The following IFT74 variants were observed in gnomAD, a reference collection of about 807,000 sequenced individuals.
The protein encoded by IFT74 is intraflagellar transport 74.
A neutral mutation model predicts 96.7 loss-of-function variants in IFT74; 92 were observed. That is an observed-to-expected ratio of 0.95 (90% confidence interval 0.80 to 1.13). The LOEUF (loss-of-function observed/expected upper bound fraction) is 1.13, where lower values mean the gene tolerates loss of function less well. Ranked by LOEUF, IFT74 falls within the 50% of genes most tolerant of loss-of-function variation. IFT74 has a pLI of 0.00. For synonymous variants in IFT74, 223 were observed against 213.2 expected (o/e 1.05, Z -0.40); for missense variants, 811 against 698.2 (o/e 1.16, Z -1.82).
rs1820189098 is a variant in IFT74 at position 27,056,897 on chromosome 9, T to TAGAC, written c.1623+441_1623+442insCAGA. On this transcript the variant is annotated intron_variant, in intron 18 of 19. Coordinates refer to ENST00000380062, the MANE Select transcript of IFT74 (RefSeq NM_025103.4). ...ATAGATAGATAGATAGATAGATAGA[T>TAGAC]AGATAGATATGTGTATACACATATT... Among the ~76,000 whole-genome samples, 5 of 152,160 alleles carry TAGAC rather than the reference T, an allele frequency of 3.3e-5. No homozygotes were observed. The South Asian group carries it at 1.0e-3, about 32-fold the overall frequency.
chr9:26,985,442 T>TAA (rs1210117840), intron 6 of IFT74, among the ~76,000 whole-genome samples: 1 of 151,982 alleles, frequency 6.6e-6, no homozygotes, highest in Non-Finnish European at 1.5e-5. Context: ...GAACCTAAAA[T>TAA]AAAAATTTCA....
chr9:27,040,544 C>CAAAAAA (rs751893169), intron 13 of IFT74, among the ~76,000 whole-genome samples: 1,594 of 61,996 alleles, frequency 0.026, 47 homozygotes, highest in Middle Eastern at 0.065. Flanking sequence ...GACACTGTCT[C>CAAAAAA]AAAAAAAAAA....
intron 2 of IFT74, among the ~76,000 whole-genome samples, chr9:26,966,445 G>C (rs10812504): frequency 6.6e-6 from 1 of 151,680 alleles, no homozygotes; most frequent in African/African-American, 2.4e-5. Context: ...GCACCTTTTC[G>C]TATACCTGTT....
intron 8 of IFT74, among the ~76,000 whole-genome samples, chr9:26,992,408 A>G (rs779374415): frequency 7.9e-5 from 12 of 152,104 alleles, no homozygotes; most frequent in Non-Finnish European, 1.8e-4. Flanking sequence ...AAGAACAACA[A>G]TTGGCCAGGT....
rs1828732973 is a variant in IFT74, at chr9:27,005,571, C to G, written c.588-3449C>G. ...AAAAAAAATACAACAATAACCAAAG[C>G]TATAAATATACATATCTTACCTTTT... On this transcript the variant is annotated intron_variant, in intron 8 of 19. Coordinates refer to ENST00000380062, the MANE Select transcript of IFT74 (RefSeq NM_025103.4). 2.0e-5 allele frequency: 3 copies of G among 151,756 alleles called. No individual in the cohort carries two copies. In the South Asian group the frequency reaches 6.2e-4, roughly 32 times the overall value. The allele number at this position is 151,756 out of a possible 1,614,324, so 9.4% of individuals were successfully genotyped here.
intron 12 of IFT74, among the ~76,000 whole-genome samples, chr9:27,025,096 G>A (rs543342861): frequency 6.6e-6 from 1 of 152,176 alleles, no homozygotes; most frequent in East Asian, 1.9e-4. Flanking sequence ...ATGTATTTGA[G>A]GGAATAATCA....
intron 8 of IFT74, among the ~76,000 whole-genome samples, chr9:27,005,359 C>A (rs1429261499): frequency 6.2e-5 from 3 of 48,028 alleles, no homozygotes; most frequent in Non-Finnish European, 1.2e-4. Context: ...ATTTCCCCCC[C>A]CGCCCCCCGC....
At position 27,048,210 on chromosome 9, in the gene IFT74, T is replaced by C; in HGVS notation, c.1269T>C (p.Asp423=). Reference sequence around the variant, plus strand: ...ATCAAGAGCTAAAGATGATGCAGGATGACCTCAATTTTAAATCTACTGAAG... The same window carrying C: ...ATCAAGAGCTAAAGATGATGCAGGACGACCTCAATTTTAAATCTACTGAAG... ...ITNQELKMMQ[D]DLNFKSTEVQ... is the part of the protein sequence containing the mutation. The change falls in exon 16 of 20, where the codon GAT becomes GAC. Residue 423 remains aspartate (D), a synonymous_variant. Transcript: ENST00000380062. 6.2e-7 allele frequency: 1 copy of C among 1,606,036 alleles called. No homozygotes were observed. The highest frequency in any genetic ancestry group is 8.5e-7 in the Non-Finnish European group (1 of 1,173,618).
Position 27,055,792 on chromosome 9 carries a change from T to C in IFT74, c.1497+20T>C. ...ATAAAGGTAAATGTTAACCAAGTCT[T>C]ACAGAATTACAATTCAGATTGTTTT... On this transcript the variant is annotated intron_variant, in intron 17 of 19. Transcript: ENST00000380062. 23 of 1,437,124 alleles carry C rather than the reference T, an allele frequency of 1.6e-5. No homozygotes were observed. The highest frequency in any genetic ancestry group is 2.1e-5 in the Non-Finnish European group (23 of 1,078,836). The allele number at this position is 1,437,124 out of a possible 1,614,324, so 89.0% of individuals were successfully genotyped here. A position where few individuals can be genotyped will look rare whatever the true frequency, so the allele number is the denominator to read the frequency against.
chr9:26,975,600 G>A (rs946345201), intron 2 of IFT74, among the ~76,000 whole-genome samples: 27 of 152,070 alleles, frequency 1.8e-4, no homozygotes, highest in African/African-American at 6.3e-4. Flanking sequence ...CCTGTCTTAC[G>A]TGAAACATTT....
intron 8 of IFT74, chr9:26,995,737 A>G (rs1294622717): frequency 3.7e-6 from 6 of 1,613,936 alleles, no homozygotes; most frequent in Non-Finnish European, 4.2e-6. Flanking sequence ...AACTAAGCAG[A>G]ATATTGTACC....
Position 26,976,492 on chromosome 9 carries a change from A to G in IFT74, c.121-1636A>G, listed in dbSNP as rs141046275. The G allele has an allele frequency of 1.8e-3, 532 of 302,958 alleles. 2 individuals are homozygous for G. The highest frequency in any genetic ancestry group is 8.0e-3 in the African/African-American group (364 of 45,780). The allele number at this position is 302,958 out of a possible 1,614,324, so 18.8% of individuals were successfully genotyped here. On this transcript the variant is annotated intron_variant, in intron 2 of 19. Coordinates refer to ENST00000380062, the MANE Select transcript of IFT74 (RefSeq NM_025103.4). ...GGGGTCGGACTGCACAATCTAAACTAGACCCAATTGGCTAAACATTTAAAC... is the reference window on the plus strand; with the variant it reads ...GGGGTCGGACTGCACAATCTAAACTGGACCCAATTGGCTAAACATTTAAAC...
At chr9:27,030,924 A>G (rs1384456879) in intron 13 of IFT74, among the ~76,000 whole-genome samples, 1 of 152,208 alleles carries the variant, frequency 6.6e-6, no homozygotes. Context: ...TCAACATGGG[A>G]TACTATTTTT....
rs115710343 is a variant in IFT74 at position 26,991,012 on chromosome 9, C to T, written c.587+817C>T. ...AAACACACATACAAGCACATTCTCT[C>T]CCAGAAATTTGTTAATATTAGTCTC... On this transcript the variant is annotated intron_variant, in intron 8 of 19. Coordinates refer to ENST00000380062, the MANE Select transcript of IFT74 (RefSeq NM_025103.4). Among the ~76,000 whole-genome samples the T allele has an allele frequency of 2.9e-3, 438 of 152,294 alleles. 2 individuals are homozygous for T. Among genetic ancestry groups the T allele is most frequent in the African/African-American group, 0.01 (416 of 41,556 alleles).
intron 1 of IFT74, among the ~76,000 whole-genome samples, chr9:26,961,604 G>A (rs138831912): frequency 4.1e-4 from 62 of 152,268 alleles, no homozygotes; most frequent in African/African-American, 1.5e-3. Context: ...GTTAATCATG[G>A]ACCAGAAAGT....
intron 13 of IFT74, among the ~76,000 whole-genome samples, chr9:27,032,354 T>C (rs1313074569): frequency 2.0e-5 from 3 of 152,134 alleles, no homozygotes; most frequent in Admixed American, 2.0e-4. Context: ...GGATCAAAAT[T>C]AGATGTGCAT....
chr9:26,948,448 ATTTTTTTTTTTTTTTTTT>A (rs71841244), intron 1 of IFT74, among the ~76,000 whole-genome samples: 86 of 59,164 alleles, frequency 1.5e-3, no homozygotes, highest in African/African-American at 3.2e-3. Flanking sequence ...GCTTTCCATT[ATTTTTTTTTTTTTTTTTT>A]TTTTTTTTTT....
Position 27,005,355 on chromosome 9 carries a change from C to G in IFT74, c.588-3665C>G, listed in dbSNP as rs796641024. On this transcript the variant is annotated intron_variant, in intron 8 of 19. Transcript: ENST00000380062. Reference sequence around the variant, plus strand: ...TGATTGGCTAGATGAAACCATTTCCCCCCCCGCCCCCCGCAAAACAATTAC... The same window carrying G: ...TGATTGGCTAGATGAAACCATTTCCGCCCCCGCCCCCCGCAAAACAATTAC... Among the ~76,000 whole-genome samples the G allele has an allele frequency of 8.5e-4, 35 of 40,968 alleles. 4 individuals carry two copies. The East Asian group carries it at 0.047, about 55-fold the overall frequency. The allele number at this position is 40,968 out of a possible 152,430, so 26.9% of individuals were successfully genotyped here.
rs1829381340 is a variant in IFT74, at chr9:27,017,066, A to T, written c.933+16A>T. 4 of 1,586,756 alleles carry T rather than the reference A, an allele frequency of 2.5e-6. No homozygotes were observed. The highest frequency in any genetic ancestry group is 3.4e-6 in the Non-Finnish European group (4 of 1,169,970). ...ACTTAAGCAGGTGGGCAAAACAAAC[A>T]TACTTATTTTAAGATGTCTGGTTTT... is the stretch of plus-strand genomic sequence containing the variant. On this transcript the variant is annotated intron_variant, in intron 11 of 19. Coordinates refer to ENST00000380062, the MANE Select transcript of IFT74 (RefSeq NM_025103.4).
Sources: gnomAD v4.1 joint callset for allele counts (sites outside exome capture counted in the v4.1 genomes callset) on GRCh38, gnomAD v4.1.1 for gene constraint, MANE v1.5 for transcripts, NCBI Gene and HGNC (gene_info 2026-07-23, HGNC 2026-07-21) for gene names.